Variants in MYT1L observed in about 807,000 individuals in gnomAD.
MYT1L encodes myelin transcription factor 1-like protein.
Under a neutral mutation model 126.7 loss-of-function variants are expected in MYT1L, and 12 were observed. The ratio of observed to expected loss-of-function variants is 0.09; its 90% confidence interval spans 0.06 to 0.15. MYT1L has a LOEUF of 0.15. Among genes scored for constraint, MYT1L ranks in the 10% least tolerant of loss-of-function variants. MYT1L has a pLI of 1.00. For synonymous variants in MYT1L, 541 were observed against 604.2 expected (o/e 0.90, Z 1.53); for missense variants, 979 against 1,585.2 (o/e 0.62, Z 6.49).
At chr2:1,891,525 G>T (rs2048874623) in intron 15 of MYT1L, among the ~76,000 whole-genome samples, 1 of 152,198 alleles carries the variant, frequency 6.6e-6, no homozygotes, top group Non-Finnish European at 1.5e-5. Context: ...TGAAAATGTG[G>T]AACTGACGAG....
rs1317470289 is a variant in MYT1L at position 1,975,614 on chromosome 2, A to C, written c.152+3551T>G. Among the ~76,000 whole-genome samples the C allele has an allele frequency of 2.0e-5, 3 of 152,230 alleles. No individual in the cohort carries two copies. The East Asian group carries it at 5.8e-4, about 29-fold the overall frequency. On this transcript the variant is annotated intron_variant, in intron 8 of 24. Transcript: ENST00000647738. The stretch of plus-strand genomic sequence containing the variant: ...TGTGGTGGCATGCGCCTGTGATCCC[A>C]GCACTTTGGGAGGCTGAGGCGGGTG...
intron 8 of MYT1L, among the ~76,000 whole-genome samples, chr2:1,964,155 G>A (rs941418941): frequency 6.6e-6 from 1 of 152,152 alleles, no homozygotes; most frequent in Non-Finnish European, 1.5e-5. Flanking sequence ...GAATAGGAAG[G>A]CCTGAGGAGC....
chr2:1,831,065 G>A (rs1444834674), intron 21 of MYT1L, among the ~76,000 whole-genome samples: 5 of 152,266 alleles, frequency 3.3e-5, no homozygotes, highest in East Asian at 1.9e-4. Flanking sequence ...TGGCATGGCC[G>A]TGATTCCCTT....
chr2:2,048,934 A>G (rs997446834), intron 4 of MYT1L, among the ~76,000 whole-genome samples: 2 of 152,244 alleles, frequency 1.3e-5, no homozygotes, highest in Admixed American at 6.5e-5. Flanking sequence ...TGAGAAATGC[A>G]AATTTCTACT....
intron 1 of MYT1L, among the ~76,000 whole-genome samples, chr2:2,286,946 G>T (rs775351937): frequency 1.2e-4 from 18 of 152,124 alleles, no homozygotes; most frequent in Non-Finnish European, 2.5e-4. Context: ...GAGAGAGGGA[G>T]ACACAGATAC....
rs189330212 is a variant in MYT1L at position 1,915,514 on chromosome 2, A to G, written c.1618+1691T>C. On this transcript the variant is annotated intron_variant, in intron 11 of 24. Coordinates refer to ENST00000647738, the MANE Select transcript of MYT1L (RefSeq NM_001303052.2). ...TCCCATCCATAAAAAGGAGCTGATA[A>G]TCTACCTTGAAGGTGAAAATGTAGG... Among the ~76,000 whole-genome samples the G allele has an allele frequency of 4.6e-5, 7 of 152,346 alleles. No individual in the cohort carries two copies. In the East Asian group the frequency reaches 1.4e-3, roughly 29 times the overall value.
At chr2:2,096,651 C>A (rs565062584) in intron 3 of MYT1L, among the ~76,000 whole-genome samples, 1 of 152,108 alleles carries the variant, frequency 6.6e-6, no homozygotes. Flanking sequence ...CTGAAGACAC[C>A]AGGTATCTCT....
At chr2:1,942,855 T>G in intron 9 of MYT1L, 127 bp downstream of exon 9, 5 of 1,259,116 alleles carry the variant, frequency 4.0e-6, no homozygotes, top group Non-Finnish European at 5.3e-6. Context: ...AGAGGTTAAT[T>G]TTCTCAGTAT....
In MYT1L at chr2:1,917,702, C is replaced by T. The variant is rs891528940; in HGVS notation, c.1484-363G>A. Among the ~76,000 whole-genome samples, 1 of 152,148 alleles carries T rather than the reference C, an allele frequency of 6.6e-6. No homozygotes were observed. Among genetic ancestry groups the T allele is most frequent in the Non-Finnish European group, 1.5e-5 (1 of 68,038 alleles). On this transcript the variant is annotated intron_variant, in intron 10 of 24. Transcript: ENST00000647738. This position sits in a 1 kb window ranked among gnomAD's most constrained non-coding sequence, Gnocchi z 5.9. ...CCTTCTTAGAGAACGAAATTCTGTG[C>T]CATCATCATTCAGCAATTTTCCATG...
chr2:2,053,194 G>A (rs1232399289), intron 4 of MYT1L, among the ~76,000 whole-genome samples: 3 of 152,180 alleles, frequency 2.0e-5, no homozygotes. Flanking sequence ...ACTCACATGA[G>A]GTAAGACTAG....
At chr2:1,881,360 G>GTGTGTA (rs1287015427) in intron 18 of MYT1L, among the ~76,000 whole-genome samples, 3 of 58,088 alleles carry the variant, frequency 5.2e-5, no homozygotes, top group African/African-American at 3.8e-4. Flanking sequence ...AGGTTCGTGT[G>GTGTGTA]TGTGTGTGTG....
intron 18 of MYT1L, among the ~76,000 whole-genome samples, chr2:1,858,527 A>C (rs1426707908): frequency 6.6e-6 from 1 of 152,254 alleles, no homozygotes; most frequent in African/African-American, 2.4e-5. Context: ...ATCCAGAGAA[A>C]GTTAAAATGC....
chr2:1,944,876 A>G (rs72767311), intron 8 of MYT1L, among the ~76,000 whole-genome samples: 5,979 of 152,212 alleles, frequency 0.039, 150 homozygotes, highest in South Asian at 0.064. Context: ...CCATAATGAA[A>G]ACGTGCAGAG....
intron 3 of MYT1L, among the ~76,000 whole-genome samples, chr2:2,090,450 T>C (rs2076800053): frequency 6.6e-6 from 1 of 152,236 alleles, no homozygotes. Flanking sequence ...TTCAAATTGC[T>C]TTATTGCTCA....
intron 3 of MYT1L, among the ~76,000 whole-genome samples, chr2:2,170,314 C>T (rs187589493): frequency 3.2e-4 from 48 of 152,314 alleles, no homozygotes; most frequent in African/African-American, 9.9e-4. Flanking sequence ...TCTCTACCGA[C>T]GCTGTAAATA....
chr2:1,974,223 G>T (rs1553372796), intron 8 of MYT1L, among the ~76,000 whole-genome samples: 1 of 152,126 alleles, frequency 6.6e-6, no homozygotes, highest in Non-Finnish European at 1.5e-5. Flanking sequence ...CTTGGTGGCT[G>T]GACACCAGGT....
At chr2:2,178,502 G>C (rs181206078) in intron 2 of MYT1L, among the ~76,000 whole-genome samples, 1 of 152,166 alleles carries the variant, frequency 6.6e-6, no homozygotes, top group African/African-American at 2.4e-5. Context: ...AAGGCGGATT[G>C]GTGCCGTGTC....
At chr2:2,151,138 T>C (rs2085723349) in intron 3 of MYT1L, among the ~76,000 whole-genome samples, 1 of 152,092 alleles carries the variant, frequency 6.6e-6, no homozygotes, top group Non-Finnish European at 1.5e-5. Context: ...TTTGGATATG[T>C]TAAAAGGAAG....
At chr2:2,094,977 T>C (rs2077288435) in intron 3 of MYT1L, among the ~76,000 whole-genome samples, 1 of 152,230 alleles carries the variant, frequency 6.6e-6, no homozygotes, top group African/African-American at 2.4e-5. Context: ...AGCCCTGTTG[T>C]CACCTGCTGC....
Sources: gnomAD v4.1 joint callset for allele counts (sites outside exome capture counted in the v4.1 genomes callset) on GRCh38, gnomAD v4.1.1 for gene constraint, Gnocchi (gnomAD v3.1) non-coding constraint, MANE v1.5 for transcripts, NCBI Gene and HGNC (gene_info 2026-07-23, HGNC 2026-07-21) for gene names.